POLR1A: variants seen among roughly 807,000 people sequenced by gnomAD.
The protein encoded by POLR1A is RNA polymerase I subunit A.
A neutral mutation model predicts 205.3 loss-of-function variants in POLR1A; 84 were observed. The observed-to-expected ratio is 0.41, with a 90% CI of 0.34 to 0.49. The LOEUF (loss-of-function observed/expected upper bound fraction) is 0.49. Ranked by LOEUF, POLR1A falls within the 20% of genes least tolerant of loss-of-function variation. The pLI is 0.22. For synonymous variants in POLR1A, 799 were observed against 863.7 expected (o/e 0.93, Z 1.31); for missense variants, 1,645 against 2,204.5 (o/e 0.75, Z 5.08).
chr2:86,097,244 C>CAAAAAAAAAAAAAAAAAAAAAAAA (rs1213876753), intron 3 of POLR1A, among the ~76,000 whole-genome samples: 53 of 40,692 alleles, frequency 1.3e-3, no homozygotes, highest in Middle Eastern at 0.025. Context: ...AAAAAAAAAG[C>CAAAAAAAAAAAAAAAAAAAAAAAA]AAATGCTGGT....
intron 4 of POLR1A, 37 bp from the exon 5 acceptor site, chr2:86,088,907 C>A (rs781168296): frequency 1.7e-5 from 25 of 1,438,636 alleles, no homozygotes; most frequent in Non-Finnish European, 2.3e-5. Flanking sequence ...CCTTGGAGTG[C>A]CATTTTGAAG....
At chr2:86,035,521 G>T (rs1672479244) in intron 27 of POLR1A, among the ~76,000 whole-genome samples, 1 of 152,176 alleles carries the variant, frequency 6.6e-6, no homozygotes, top group Non-Finnish European at 1.5e-5. Context: ...GGGGGTGCGG[G>T]GCTCAGCTGC....
intron 21 of POLR1A, among the ~76,000 whole-genome samples, chr2:86,044,576 C>T (rs1394040312): frequency 6.6e-6 from 1 of 152,148 alleles, no homozygotes; most frequent in African/African-American, 2.4e-5. Context: ...ACCTGGGCTC[C>T]CATCTAGCCC....
At chr2:86,087,238 T>C (rs1426528266) in intron 6 of POLR1A, among the ~76,000 whole-genome samples, 1 of 152,218 alleles carries the variant, frequency 6.6e-6, no homozygotes, top group Non-Finnish European at 1.5e-5. Context: ...AACTATAACA[T>C]TTTAAAAAAA....
At chr2:86,033,869 G>T in intron 27 of POLR1A, 82 bp from the exon 28 acceptor site, 2 of 1,535,064 alleles carry the variant, frequency 1.3e-6, no homozygotes, top group Non-Finnish European at 1.8e-6. Flanking sequence ...AGGACGCTGA[G>T]GGATTCCCAC....
At chr2:86,102,082 A>G (rs922852116) in intron 1 of POLR1A, among the ~76,000 whole-genome samples, 1 of 152,232 alleles carries the variant, frequency 6.6e-6, no homozygotes, top group Non-Finnish European at 1.5e-5. Flanking sequence ...ATTGTGAATA[A>G]TGCTGCTATG....
At chr2:86,084,309 A>T (rs1673459052) in intron 6 of POLR1A, among the ~76,000 whole-genome samples, 1 of 151,706 alleles carries the variant, frequency 6.6e-6, no homozygotes, top group Non-Finnish European at 1.5e-5. Context: ...CCCAGCTACT[A>T]GGGAGGCTGA....
chr2:86,074,369 C>T (rs746938447), intron 12 of POLR1A, among the ~76,000 whole-genome samples: 43 of 152,134 alleles, frequency 2.8e-4, no homozygotes, highest in Non-Finnish European at 5.3e-4. Flanking sequence ...ACATCCAAGT[C>T]GAATCCATTT....
rs1330458164 is a variant in POLR1A, at chr2:86,070,804, T to C, written c.1612-532A>G. Among the ~76,000 whole-genome samples, 3 of 151,894 alleles carry C rather than the reference T, an allele frequency of 2.0e-5. No homozygotes were observed. Among genetic ancestry groups the C allele is most frequent in the Admixed American group, 2.0e-4 (3 of 15,250 alleles). Reference sequence around the variant, plus strand: ...AGCAGAGCCAGAAAAGGGTTCTTAGTTAGTTCAATGCCCTCAGAGAACACT... The same window carrying C: ...AGCAGAGCCAGAAAAGGGTTCTTAGCTAGTTCAATGCCCTCAGAGAACACT... On this transcript the variant is annotated intron_variant, in intron 12 of 33. Coordinates refer to ENST00000263857, the MANE Select transcript of POLR1A (RefSeq NM_015425.6). This position sits in a 1 kb window ranked among gnomAD's most constrained non-coding sequence, Gnocchi z 4.4.
At chr2:86,077,087 C>T (rs1673299570) in intron 11 of POLR1A, among the ~76,000 whole-genome samples, 1 of 152,156 alleles carries the variant, frequency 6.6e-6, no homozygotes, top group African/African-American at 2.4e-5. Context: ...AACACTTCAG[C>T]GCTGCTCATC....
At chr2:86,040,032 C>T (rs747719289) in intron 25 of POLR1A, 13 of 215,510 alleles carry the variant, frequency 6.0e-5, no homozygotes, top group Non-Finnish European at 1.1e-4. Flanking sequence ...CGTGGGGGCA[C>T]GTTCTATGTG....
At chr2:86,036,706 A>G (rs900638156) in intron 27 of POLR1A, among the ~76,000 whole-genome samples, 2 of 152,142 alleles carry the variant, frequency 1.3e-5, no homozygotes, top group African/African-American at 2.4e-5. Context: ...CCCATCTTTT[A>G]GCTCTGCCTA....
rs149689634 is a variant in POLR1A at position 86,065,346 on chromosome 2, C to T, written c.1986G>A (p.Thr662=). The change falls in exon 14 of 34, where the codon ACG becomes ACA. Residue 662 remains threonine, a synonymous_variant. Coordinates refer to ENST00000263857, the MANE Select transcript of POLR1A (RefSeq NM_015425.6). ...HYMELVYRGL[T]DKVGRVKLLS... ...GGAGCTTCACGCGCCCCACTTTGTC[C>T]GTGAGTCCTCGGTACACCAGCTCCA... is the stretch of plus-strand genomic sequence containing the variant. 6.2e-6 allele frequency: 10 copies of T among 1,614,000 alleles called. No homozygotes were observed. The highest frequency in any genetic ancestry group is 2.7e-5 in the African/African-American group (2 of 74,896).
rs1033804325 is a variant in POLR1A, at chr2:86,025,932, G to C, written c.*1491C>G. ...ACTGATTTCTGTCAGGCTTTCCCCAGTGTAGGCCTAGGAGGTGCAGGCTGG... is the reference window on the plus strand; with the variant it reads ...ACTGATTTCTGTCAGGCTTTCCCCACTGTAGGCCTAGGAGGTGCAGGCTGG... On this transcript the variant is annotated 3_prime_UTR_variant, in exon 34 of 34. Transcript: ENST00000263857. 4 of 152,358 alleles carry C rather than the reference G, an allele frequency of 2.6e-5. No homozygotes were observed. The highest frequency in any genetic ancestry group is 2.1e-4 in the South Asian group (1 of 4,824). The allele number at this position is 152,358 out of a possible 1,614,324, so 9.4% of individuals were successfully genotyped here. A position where few individuals can be genotyped will look rare whatever the true frequency, so the allele number is the denominator to read the frequency against.
chr2:86,070,131 A>AGT lies in POLR1A; in HGVS notation c.1752_1753insAC (p.Tyr585ThrfsTer11). On this transcript the variant is annotated frameshift_variant, in exon 13 of 34. Transcript: ENST00000263857. LOFTEE classifies it high-confidence loss of function. This position sits in a 1 kb window ranked among gnomAD's most constrained non-coding sequence, Gnocchi z 4.4. ...TCGTCTCCATCAAAGTCGGCATTAT[A>AGT]GGCCTTGCAGTTGGCATAGTGGAGC... 1 of 1,614,230 alleles carries AGT rather than the reference A, an allele frequency of 6.2e-7. No homozygotes were observed. The highest frequency in any genetic ancestry group is 8.5e-7 in the Non-Finnish European group (1 of 1,180,038).
intron 23 of POLR1A, among the ~76,000 whole-genome samples, 194 bp downstream of exon 23, chr2:86,042,780 C>T (rs565434082): frequency 6.6e-6 from 1 of 152,366 alleles, no homozygotes; most frequent in South Asian, 2.1e-4. Flanking sequence ...AGTTAGTCCC[C>T]CCAAACCCTG....
At chr2:86,042,876 A>G (rs567585844) in intron 23 of POLR1A, 98 bp downstream of exon 23, 693 of 864,482 alleles carry the variant, frequency 8.0e-4, no homozygotes, top group Non-Finnish European at 1.2e-3. Context: ...GCTGGAGTTC[A>G]TGATTCTACC....
At chr2:86,053,490 A>G (rs1350490291) in intron 15 of POLR1A, among the ~76,000 whole-genome samples, 2 of 152,160 alleles carry the variant, frequency 1.3e-5, no homozygotes, top group African/African-American at 4.8e-5. Context: ...TCTTCCTAAC[A>G]TCCTCTAAGG....
rs145409582 is a variant in POLR1A at position 86,027,892 on chromosome 2, G to A, written c.5055C>T (p.Thr1685=). Residue 1685 remains threonine (T), a synonymous_variant, in exon 33 of 34, where the codon ACC becomes ACT. Transcript: ENST00000263857. ...TCCTGCCCACGCACTAACCCAGCAT[G>A]GTGGCTTGCTTCAGAAACTGGAAGC... ...ETSFQFLKQA[T]MLGSHDELRS... 1.1e-5 allele frequency: 18 copies of A among 1,614,098 alleles called. No individual in the cohort carries two copies. Among genetic ancestry groups the A allele is most frequent in the Middle Eastern group, 1.6e-4 (1 of 6,084 alleles).
Sources: allele counts gnomAD v4.1 joint callset (sites outside exome capture counted in the v4.1 genomes callset), GRCh38; gene constraint gnomAD v4.1.1; non-coding constraint Gnocchi (gnomAD v3.1); transcripts MANE v1.5; gene names NCBI Gene and HGNC (gene_info 2026-07-23, HGNC 2026-07-21).